ST3GAL5: variants seen among roughly 807,000 people sequenced by gnomAD.
The protein encoded by ST3GAL5 is lactosylceramide alpha-2,3-sialyltransferase.
Under a neutral mutation model 46.1 loss-of-function variants are expected in ST3GAL5, and 25 were observed. The observed-to-expected ratio is 0.54, with a 90% CI of 0.40 to 0.76. The LOEUF is 0.76. ST3GAL5 is among the 30% of genes least tolerant of loss of function. The pLI is 0.00. For missense variants in ST3GAL5, 431 were observed against 521.2 expected, an observed-to-expected ratio of 0.83 and a Z score of 1.69; for synonymous variants, 182 against 192.7, an observed-to-expected ratio of 0.94 and a Z score of 0.46.
chr2:85,870,475 C>G (rs1245250529), intron 1 of ST3GAL5, among the ~76,000 whole-genome samples: 1 of 152,170 alleles, frequency 6.6e-6, no homozygotes, highest in African/African-American at 2.4e-5. Flanking sequence ...CAGGGCTTAA[C>G]AATTTGATAC....
intron 6 of ST3GAL5, among the ~76,000 whole-genome samples, chr2:85,844,050 A>C (rs75175095): frequency 0.04 from 6,050 of 152,326 alleles, 169 homozygotes; most frequent in Non-Finnish European, 0.06. Context: ...AATTTTTAAA[A>C]AATTAAAAAA....
chr2:85,848,166 TTCC>T lies in ST3GAL5; in HGVS notation c.354_356del (p.Glu119del), dbSNP rs1683043363. The T allele has an allele frequency of 6.2e-7, 1 of 1,614,108 alleles. No homozygotes were observed. The highest frequency in any genetic ancestry group is 1.3e-5 in the African/African-American group (1 of 74,932). On this transcript the variant is annotated inframe_deletion, in exon 4 of 7. Transcript: ENST00000638572. ...ATGTCTTGGCAAACTTGGGACGACA[TTCC>T]TTCTGCAAGACTTGCTGAGCATATT...
chr2:85,874,988 T>C (rs919856063), intron 1 of ST3GAL5, among the ~76,000 whole-genome samples: 1 of 152,112 alleles, frequency 6.6e-6, no homozygotes, highest in Non-Finnish European at 1.5e-5. Flanking sequence ...TATGTGTTTG[T>C]TGAGGGGAGG....
chr2:85,839,821 G>T lies in ST3GAL5; in HGVS notation c.*323C>A. 1 of 375,942 alleles carries T rather than the reference G, an allele frequency of 2.7e-6. No individual in the cohort carries two copies. The allele number at this position is 375,942 out of a possible 1,614,324, so 23.3% of individuals were successfully genotyped here. A position where few individuals can be genotyped will look rare whatever the true frequency, so the allele number is the denominator to read the frequency against. Reference sequence around the variant, plus strand: ...ATTAGTTACCTGTATTCAATGTGCAGTGTAAACGAGCAGAAGTTTTACAAA... The same window carrying T: ...ATTAGTTACCTGTATTCAATGTGCATTGTAAACGAGCAGAAGTTTTACAAA... On this transcript the variant is annotated 3_prime_UTR_variant, in exon 7 of 7. Transcript: ENST00000638572.
chr2:85,877,963 T>C (rs1406350772), intron 1 of ST3GAL5, among the ~76,000 whole-genome samples: 3 of 152,226 alleles, frequency 2.0e-5, no homozygotes, highest in African/African-American at 7.2e-5. Context: ...GGTGCTTCCA[T>C]GTCTGCTAGA....
intron 1 of ST3GAL5, among the ~76,000 whole-genome samples, chr2:85,869,913 C>T (rs944182876): frequency 6.6e-6 from 1 of 152,152 alleles, no homozygotes; most frequent in African/African-American, 2.4e-5. Flanking sequence ...ACAAATAGCT[C>T]CCCACACTGA....
intron 3 of ST3GAL5, among the ~76,000 whole-genome samples, chr2:85,858,593 G>C (rs770415342): frequency 6.6e-6 from 1 of 152,186 alleles, no homozygotes; most frequent in Admixed American, 6.5e-5. Flanking sequence ...ACAGGTGTGC[G>C]CCATCACACC....
intron 4 of ST3GAL5, chr2:85,847,614 C>T (rs1450871910): frequency 7.9e-6 from 10 of 1,259,524 alleles, no homozygotes; most frequent in Admixed American, 3.4e-5. Context: ...CTGGGCAATT[C>T]GGAGAAACCC....
chr2:85,863,177 T>G (rs1222667528), intron 2 of ST3GAL5, among the ~76,000 whole-genome samples, 185 bp downstream of exon 2: 1 of 152,200 alleles, frequency 6.6e-6, no homozygotes, highest in Admixed American at 6.5e-5. Context: ...CAGCCAGCTG[T>G]ACAGGCTCAC....
rs969236724 is a variant in ST3GAL5, at chr2:85,844,574, A to C, written c.850-20T>G. 4.3e-6 allele frequency: 7 copies of C among 1,613,858 alleles called. No individual in the cohort carries two copies. Among genetic ancestry groups the C allele is most frequent in the Non-Finnish European group, 5.9e-6 (7 of 1,180,020 alleles). On this transcript the variant is annotated intron_variant, in intron 5 of 6. Transcript: ENST00000638572. The stretch of plus-strand genomic sequence containing the variant: ...GAATGGCTAAGGAAAGCAAGCAAGC[A>C]GTTGTTAGTCATCCTTCTAGGGGAG...
chr2:85,880,695 G>A (rs1466675124), intron 1 of ST3GAL5, among the ~76,000 whole-genome samples: 3 of 152,004 alleles, frequency 2.0e-5, no homozygotes, highest in Non-Finnish European at 2.9e-5. Context: ...TTGGTGGCGT[G>A]CACCTGTAGT....
chr2:85,857,015 G>A (rs1040674215), intron 3 of ST3GAL5, among the ~76,000 whole-genome samples: 2 of 137,562 alleles, frequency 1.5e-5, no homozygotes, highest in Non-Finnish European at 3.1e-5. Context: ...AGTCACTTGA[G>A]TCCAGGAGTT....
Position 85,861,167 on chromosome 2 carries a change from A to G in ST3GAL5, c.318+14T>C, listed in dbSNP as rs1013438553. On this transcript the variant is annotated intron_variant, in intron 3 of 6. Transcript: ENST00000638572. Reference sequence around the variant, plus strand: ...CAATGTTTTCATTTAAACCACACCAATGGGATATCTAACCTTTACATGGTC... The same window carrying G: ...CAATGTTTTCATTTAAACCACACCAGTGGGATATCTAACCTTTACATGGTC... The G allele has an allele frequency of 1.3e-6, 2 of 1,502,208 alleles. No individual in the cohort carries two copies. The highest frequency in any genetic ancestry group is 2.7e-5 in the African/African-American group (2 of 72,892). The allele number at this position is 1,502,208 out of a possible 1,614,324, so 93.1% of individuals were successfully genotyped here. A position where few individuals can be genotyped will look rare whatever the true frequency, so the allele number is the denominator to read the frequency against.
At chr2:85,867,065 A>AT (rs1325037227) in intron 1 of ST3GAL5, among the ~76,000 whole-genome samples, 5 of 152,170 alleles carry the variant, frequency 3.3e-5, no homozygotes, top group African/African-American at 1.2e-4. Context: ...CGGGGATGGG[A>AT]TGATCACTTG....
intron 3 of ST3GAL5, among the ~76,000 whole-genome samples, chr2:85,860,230 T>C (rs1465403153): frequency 6.6e-6 from 1 of 152,220 alleles, no homozygotes; most frequent in Non-Finnish European, 1.5e-5. Flanking sequence ...ATAAACTAGC[T>C]AAACTAGACG....
At chr2:85,854,729 T>G (rs1683909672) in intron 3 of ST3GAL5, 1 of 152,194 alleles carries the variant, frequency 6.6e-6, no homozygotes, top group Non-Finnish European at 1.5e-5. Flanking sequence ...TAAGTGCATA[T>G]TAAGTAATGT....
In ST3GAL5 at chr2:85,846,567, T is replaced by C. The variant is rs768252447; in HGVS notation, c.663-4A>G. The C allele has an allele frequency of 1.1e-5, 17 of 1,613,994 alleles. No individual in the cohort carries two copies. The South Asian group carries it at 1.6e-4, about 16-fold the overall frequency. Reference sequence around the variant, plus strand: ...CTCAACTGGTGCACTGTTTAACCTATTTAAATAAAAAGGACAAAGACACAC... The same window carrying C: ...CTCAACTGGTGCACTGTTTAACCTACTTAAATAAAAAGGACAAAGACACAC... On this transcript the variant is annotated splice_polypyrimidine_tract_variant and splice_region_variant and intron_variant, in intron 4 of 6. Coordinates refer to ENST00000638572, the MANE Select transcript of ST3GAL5 (RefSeq NM_003896.4).
At chr2:85,877,410 G>T (rs561639690) in intron 1 of ST3GAL5, among the ~76,000 whole-genome samples, 2 of 152,176 alleles carry the variant, frequency 1.3e-5, no homozygotes, top group African/African-American at 4.8e-5. Flanking sequence ...TTTTTGAAAA[G>T]TACAGCCAAT....
Position 85,838,858 on chromosome 2 carries a change from G to A in ST3GAL5, c.*1286C>T, listed in dbSNP as rs1681685907. On this transcript the variant is annotated 3_prime_UTR_variant, in exon 7 of 7. Transcript: ENST00000638572. ...AACAGCGATGGCGGCAGCCGAGTCT[G>A]GGGCAGGCTGGGAACAGAGTAGCAG... is the stretch of plus-strand genomic sequence containing the variant. 1 of 152,380 alleles carries A rather than the reference G, an allele frequency of 6.6e-6. No individual in the cohort carries two copies. Among genetic ancestry groups the A allele is most frequent in the Admixed American group, 6.5e-5 (1 of 15,290 alleles). 9.4% of individuals were successfully genotyped at this position (152,380 alleles called of 1,614,324 possible). A position where few individuals can be genotyped will look rare whatever the true frequency, so the allele number is the denominator to read the frequency against.
Sources: allele counts gnomAD v4.1 joint callset (sites outside exome capture counted in the v4.1 genomes callset), GRCh38; gene constraint gnomAD v4.1.1; transcripts MANE v1.5; gene names NCBI Gene and HGNC (gene_info 2026-07-23, HGNC 2026-07-21).